RALYL: variants seen among roughly 807,000 people sequenced by gnomAD.
RALYL encodes the protein RNA-binding Raly-like protein.
RALYL carries 29 observed loss-of-function variants against 35.1 expected under a neutral mutation model. That is an observed-to-expected ratio of 0.83 (90% CI 0.61 to 1.13). The LOEUF (loss-of-function observed/expected upper bound fraction) is 1.13, where lower values mean the gene tolerates loss of function less well. Ranked by LOEUF, RALYL falls within the 50% of genes most tolerant of loss-of-function variation. The pLI is 0.00. For missense variants in RALYL, 359 were observed against 360.4 expected (o/e 1.00, Z 0.03); for synonymous variants, 120 against 127.6 (o/e 0.94, Z 0.40).
chr8:84,305,790 A>G (rs1408842782), intron 1 of RALYL, among the ~76,000 whole-genome samples: 2 of 152,196 alleles, frequency 1.3e-5, no homozygotes, highest in Admixed American at 6.5e-5. Flanking sequence ...ATAGTTCAAA[A>G]CCAGTGGGAT....
chr8:84,434,644 T>C (rs1185099076), intron 1 of RALYL, among the ~76,000 whole-genome samples: 1 of 152,182 alleles, frequency 6.6e-6, no homozygotes, highest in Non-Finnish European at 1.5e-5. Context: ...AGAGTATTCA[T>C]ATCAAATAAT....
chr8:84,631,989 C>T (rs1250829011), intron 2 of RALYL, among the ~76,000 whole-genome samples: 3 of 151,884 alleles, frequency 2.0e-5, no homozygotes, highest in East Asian at 1.9e-4. Context: ...CCCCACCCCC[C>T]TGCCAAATTC....
At chr8:84,615,550 C>T (rs184360028) in intron 2 of RALYL, among the ~76,000 whole-genome samples, 1 of 143,412 alleles carries the variant, frequency 7.0e-6, no homozygotes, top group Admixed American at 7.0e-5. Flanking sequence ...TCTAAGAGAG[C>T]CTGACTATAG....
intron 2 of RALYL, among the ~76,000 whole-genome samples, chr8:84,579,322 G>A (rs1564180042): frequency 6.6e-6 from 1 of 152,164 alleles, no homozygotes; most frequent in African/African-American, 2.4e-5. Context: ...ATGGGAGCAG[G>A]CCCTTTCAAG....
rs368934771 is a variant in RALYL, at chr8:84,424,763, G to C, written c.-23-104536G>C. Among the ~76,000 whole-genome samples the C allele has an allele frequency of 3.6e-4, 55 of 151,494 alleles. No homozygotes were observed. The Middle Eastern group carries it at 0.01, about 28-fold the overall frequency. ...TCCTTTCTGTTTGTTAGTTTTCCTT[G>C]TAACAGACAGGACCCTCAGCTGCAG... On this transcript the variant is annotated intron_variant, in intron 1 of 8. Transcript: ENST00000521268.
intron 1 of RALYL, among the ~76,000 whole-genome samples, chr8:84,193,984 A>G (rs1432728953): frequency 6.6e-6 from 1 of 152,198 alleles, no homozygotes; most frequent in Non-Finnish European, 1.5e-5. Context: ...TGAAAGCCTG[A>G]AGAGCAGGAT....
intron 1 of RALYL, among the ~76,000 whole-genome samples, chr8:84,185,842 G>T (rs1204126334): frequency 1.3e-5 from 2 of 152,186 alleles, no homozygotes; most frequent in African/African-American, 4.8e-5. Context: ...AACATACACT[G>T]GCTTTTTCAA....
At chr8:84,209,617 T>C (rs557484007) in intron 1 of RALYL, among the ~76,000 whole-genome samples, 116 of 152,252 alleles carry the variant, frequency 7.6e-4, no homozygotes, top group African/African-American at 2.6e-3. Flanking sequence ...TTAAAAAATT[T>C]TAGTACTCTG....
chr8:84,921,114 G>T lies in RALYL; in HGVS notation c.*203G>T. 1 of 381,712 alleles carries T rather than the reference G, an allele frequency of 2.6e-6. No individual in the cohort carries two copies. Among genetic ancestry groups the T allele is most frequent in the Non-Finnish European group, 4.8e-6 (1 of 209,102 alleles). 23.6% of individuals were successfully genotyped at this position (381,712 alleles called of 1,614,324 possible). On this transcript the variant is annotated 3_prime_UTR_variant, in exon 9 of 9. Transcript: ENST00000521268. ...AGCTGTACAATTGTCAGGTTTTTAT[G>T]GTTTAAATTGTAAATGTGTTTTCCC...
At chr8:84,241,269 CT>C (rs1481496944) in intron 1 of RALYL, among the ~76,000 whole-genome samples, 2 of 151,968 alleles carry the variant, frequency 1.3e-5, no homozygotes, top group Non-Finnish European at 2.9e-5. Context: ...TTTTTTCTTT[CT>C]CTATATAGTC....
chr8:84,310,263 A>G (rs1274927372), intron 1 of RALYL, among the ~76,000 whole-genome samples: 2 of 148,510 alleles, frequency 1.3e-5, no homozygotes, highest in Non-Finnish European at 3.0e-5. Context: ...CTGGTCTTGA[A>G]CTCCTGACCT....
chr8:84,859,278 A>G (rs1837646518), intron 5 of RALYL, among the ~76,000 whole-genome samples: 1 of 152,076 alleles, frequency 6.6e-6, no homozygotes, highest in African/African-American at 2.4e-5. Context: ...GGCCATGCAG[A>G]AAAAGGTGGC....
intron 1 of RALYL, among the ~76,000 whole-genome samples, chr8:84,389,627 C>T (rs182924038): frequency 0.027 from 4,013 of 146,158 alleles, 85 homozygotes; most frequent in South Asian, 0.062. Flanking sequence ...AGTTCACTCA[C>T]GATTTGGCTC....
chr8:84,268,835 C>T (rs148072750), intron 1 of RALYL, among the ~76,000 whole-genome samples: 1 of 152,090 alleles, frequency 6.6e-6, no homozygotes, highest in African/African-American at 2.4e-5. Context: ...AATGTTCATT[C>T]TTTGGAATAT....
At chr8:84,766,653 G>T (rs985595446) in intron 2 of RALYL, among the ~76,000 whole-genome samples, 1 of 148,100 alleles carries the variant, frequency 6.8e-6, no homozygotes, top group African/African-American at 2.5e-5. Flanking sequence ...GAACCCGAGA[G>T]GCAGAGGTTG....
At chr8:84,585,944 C>A (rs1367111401) in intron 2 of RALYL, among the ~76,000 whole-genome samples, 1 of 152,154 alleles carries the variant, frequency 6.6e-6, no homozygotes, top group Non-Finnish European at 1.5e-5. Context: ...TGCTTGTAAT[C>A]CCAGTACTTT....
At chr8:84,727,587 G>A (rs925962923) in intron 2 of RALYL, among the ~76,000 whole-genome samples, 86 of 151,408 alleles carry the variant, frequency 5.7e-4, no homozygotes, top group Non-Finnish European at 1.5e-4. Flanking sequence ...TCGTCATCTA[G>A]CAATAGGTAT....
intron 3 of RALYL, among the ~76,000 whole-genome samples, chr8:84,792,095 G>A: frequency 6.6e-6 from 1 of 152,252 alleles, no homozygotes; most frequent in East Asian, 1.9e-4. Context: ...AAGCCCAAGT[G>A]GACATGTGTT....
chr8:84,191,718 G>A (rs913090429), intron 1 of RALYL, among the ~76,000 whole-genome samples: 1 of 152,034 alleles, frequency 6.6e-6, no homozygotes, highest in East Asian at 1.9e-4. Context: ...AATTGTAAAC[G>A]TTGAGTAAAG....
Sources: gnomAD v4.1 joint callset for allele counts (sites outside exome capture counted in the v4.1 genomes callset) on GRCh38, gnomAD v4.1.1 for gene constraint, MANE v1.5 for transcripts, NCBI Gene and HGNC (gene_info 2026-07-23, HGNC 2026-07-21) for gene names.